NDFIP2: variants seen among roughly 807,000 people sequenced by gnomAD.
NDFIP2 encodes Nedd4 family interacting protein 2.
In NDFIP2, 19 loss-of-function variants were observed where a neutral mutation model predicts 36.0. That is an observed-to-expected ratio of 0.53 (90% CI 0.37 to 0.77). NDFIP2 has a LOEUF of 0.77. NDFIP2 is among the 30% of genes least tolerant of loss of function. The pLI is 0.00. For synonymous variants in NDFIP2, 181 were observed against 167.7 expected (o/e 1.08, Z -0.61); for missense variants, 446 against 435.8 (o/e 1.02, Z -0.21).
Position 79,543,552 on chromosome 13 carries a change from T to G in NDFIP2, c.716-6T>G. 1.2e-6 allele frequency: 2 copies of G among 1,613,692 alleles called. No individual in the cohort carries two copies. The highest frequency in any genetic ancestry group is 1.7e-6 in the Non-Finnish European group (2 of 1,179,822). On this transcript the variant is annotated splice_region_variant and splice_polypyrimidine_tract_variant and intron_variant, in intron 4 of 7. Transcript: ENST00000218652. Reference sequence around the variant, plus strand: ...TTTATAAAAGAACGGTTTCTGTTGCTTTTAGTGGCATTTATTTTCAACTGG... The same window carrying G: ...TTTATAAAAGAACGGTTTCTGTTGCGTTTAGTGGCATTTATTTTCAACTGG...
chr13:79,530,786 T>C (rs1874984676), intron 2 of NDFIP2, among the ~76,000 whole-genome samples: 1 of 152,298 alleles, frequency 6.6e-6, no homozygotes, highest in Non-Finnish European at 1.5e-5. Flanking sequence ...ATTCTACTTC[T>C]CTTGCTGTTT....
intron 3 of NDFIP2, among the ~76,000 whole-genome samples, chr13:79,535,273 C>T (rs931679016): frequency 2.6e-5 from 4 of 151,866 alleles, no homozygotes; most frequent in African/African-American, 4.8e-5. Context: ...TATTATGGAC[C>T]GTAGATCATT....
chr13:79,522,098 G>C (rs1199886057), intron 2 of NDFIP2, among the ~76,000 whole-genome samples: 1 of 152,158 alleles, frequency 6.6e-6, no homozygotes, highest in African/African-American at 2.4e-5. Context: ...AAAGTGCTGG[G>C]ATTACAGGCG....
chr13:79,544,187 A>G (rs1159280251), intron 5 of NDFIP2, among the ~76,000 whole-genome samples: 1 of 152,124 alleles, frequency 6.6e-6, no homozygotes. Flanking sequence ...ATATCTTCTC[A>G]CTGTTTTCTT....
chr13:79,526,243 A>G (rs1566663009), intron 2 of NDFIP2, among the ~76,000 whole-genome samples: 2 of 152,198 alleles, frequency 1.3e-5, no homozygotes, highest in African/African-American at 4.8e-5. Context: ...CAGGTTTGGA[A>G]TGAAGATCAA....
intron 2 of NDFIP2, among the ~76,000 whole-genome samples, chr13:79,526,188 G>A (rs1272762458): frequency 1.3e-5 from 2 of 152,124 alleles, no homozygotes; most frequent in Non-Finnish European, 2.9e-5. Context: ...ATAAGGATGA[G>A]GGAGAAGGGG....
At chr13:79,492,323 C>T (rs563583342) in intron 1 of NDFIP2, among the ~76,000 whole-genome samples, 1 of 150,480 alleles carries the variant, frequency 6.6e-6, no homozygotes, top group African/African-American at 2.4e-5. Flanking sequence ...TTGTTCTCCT[C>T]ACCTCGGGAG....
intron 1 of NDFIP2, among the ~76,000 whole-genome samples, chr13:79,485,536 T>G (rs936520625): frequency 6.6e-6 from 1 of 152,224 alleles, no homozygotes; most frequent in Non-Finnish European, 1.5e-5. Flanking sequence ...TCTCTAGTTG[T>G]CACCTTTTCT....
At chr13:79,490,800 G>C (rs1183679498) in intron 1 of NDFIP2, among the ~76,000 whole-genome samples, 1 of 152,172 alleles carries the variant, frequency 6.6e-6, no homozygotes, top group Non-Finnish European at 1.5e-5. Flanking sequence ...ACAATGTGGT[G>C]AGGTTGTTTT....
chr13:79,512,091 A>G (rs554216602), intron 1 of NDFIP2, among the ~76,000 whole-genome samples: 79 of 152,242 alleles, frequency 5.2e-4, no homozygotes, highest in Non-Finnish European at 7.5e-4. Flanking sequence ...TTTACCAGCC[A>G]CCCCATTTTT....
At chr13:79,528,157 G>C (rs1323034697) in intron 2 of NDFIP2, among the ~76,000 whole-genome samples, 1 of 152,100 alleles carries the variant, frequency 6.6e-6, no homozygotes, top group Non-Finnish European at 1.5e-5. Flanking sequence ...CTGCTTGGGA[G>C]TCTGAGGTGA....
At chr13:79,525,081 T>A (rs1021399059) in intron 2 of NDFIP2, among the ~76,000 whole-genome samples, 1 of 152,190 alleles carries the variant, frequency 6.6e-6, no homozygotes, top group African/African-American at 2.4e-5. Flanking sequence ...TAATTTTATA[T>A]TTTTTAGTCC....
At chr13:79,529,485 T>G (rs1874927544) in intron 2 of NDFIP2, among the ~76,000 whole-genome samples, 1 of 152,204 alleles carries the variant, frequency 6.6e-6, no homozygotes, top group South Asian at 2.1e-4. Context: ...TTGTAAACAT[T>G]GTTTTTACTT....
At chr13:79,513,300 C>T (rs1196609522) in intron 1 of NDFIP2, among the ~76,000 whole-genome samples, 1 of 152,182 alleles carries the variant, frequency 6.6e-6, no homozygotes, top group Non-Finnish European at 1.5e-5. Context: ...CTTTGTTTAA[C>T]ACACAGCATA....
chr13:79,521,099 T>A, intron 2 of NDFIP2, 124 bp downstream of exon 2: 1 of 766,964 alleles, frequency 1.3e-6, no homozygotes, highest in Non-Finnish European at 2.0e-6. Context: ...TATATATGTA[T>A]ATACATACTG....
At position 79,481,336 on chromosome 13, in the gene NDFIP2, G is replaced by C. The variant is rs1265537473; in HGVS notation, c.133G>C (p.Gly45Arg). Residue 45 changes from glycine to arginine, a missense_variant, in exon 1 of 8, where the codon GGA becomes CGA. Coordinates refer to ENST00000218652, the MANE Select transcript of NDFIP2 (RefSeq NM_019080.3). The part of the protein sequence containing the change: ...EVSAAAAGAT[G>R]SEELPPGDRG... ...CTCGGCGGCCGCTGCGGGAGCCACA[G>C]GAAGTGAAGAGCTTCCGCCGGGAGA... 1 of 1,547,704 alleles carries C rather than the reference G, an allele frequency of 6.5e-7. No individual in the cohort carries two copies. The highest frequency in any genetic ancestry group is 8.7e-7 in the Non-Finnish European group (1 of 1,147,320).
rs1435344124 is a variant in NDFIP2, at chr13:79,481,272, C to G, written c.69C>G (p.Ala23=). 2 of 1,537,046 alleles carry G rather than the reference C, an allele frequency of 1.3e-6. No homozygotes were observed. The highest frequency in any genetic ancestry group is 1.4e-5 in the African/African-American group (1 of 72,926). The part of the protein sequence containing the change: ...GPSMLNSARG[A]PELLRGTATN... ...GCATGCTCAATAGCGCGCGCGGCGC[C>G]CCGGAGCTTCTCCGCGGAACCGCGA... The change falls in exon 1 of 8, where the codon GCC becomes GCG. Residue 23 remains alanine (A), a synonymous_variant. Transcript: ENST00000218652.
At chr13:79,483,983 C>T (rs1322568137) in intron 1 of NDFIP2, among the ~76,000 whole-genome samples, 1 of 152,084 alleles carries the variant, frequency 6.6e-6, no homozygotes, top group African/African-American at 2.4e-5. Context: ...AGACCACATT[C>T]TAACTTTGAT....
chr13:79,537,540 G>A (rs967065960), intron 3 of NDFIP2, among the ~76,000 whole-genome samples: 1 of 152,120 alleles, frequency 6.6e-6, no homozygotes, highest in African/African-American at 2.4e-5. Context: ...TTATAAATAT[G>A]CACTTAGTCA....
Sources: allele counts gnomAD v4.1 joint callset (sites outside exome capture counted in the v4.1 genomes callset), GRCh38; gene constraint gnomAD v4.1.1; transcripts MANE v1.5; gene names NCBI Gene and HGNC (gene_info 2026-07-23, HGNC 2026-07-21).